The following KAT6A variants were observed in gnomAD, a reference collection of about 807,000 sequenced individuals.
KAT6A encodes histone acetyltransferase KAT6A.
A neutral mutation model predicts 198.4 loss-of-function variants in KAT6A; 9 were observed. The ratio of observed to expected loss-of-function variants is 0.05; its 90% CI spans 0.03 to 0.08. The LOEUF (loss-of-function observed/expected upper bound fraction) is 0.08. Among genes scored for constraint, KAT6A ranks in the 10% least tolerant of loss-of-function variants. The pLI, the probability that KAT6A is intolerant of heterozygous loss-of-function variation, is 1.00. For missense variants in KAT6A, 2,077 were observed against 2,509.9 expected, an observed-to-expected ratio of 0.83 and a Z score of 3.69; for synonymous variants, 890 against 883.0, an observed-to-expected ratio of 1.01 and a Z score of -0.14.
intron 2 of KAT6A, among the ~76,000 whole-genome samples, chr8:42,047,120 A>T (rs1228668423): frequency 1.3e-5 from 2 of 152,216 alleles, no homozygotes; most frequent in Non-Finnish European, 1.5e-5. Flanking sequence ...ATCCTCCATC[A>T]TCTTAAGCAA....
intron 8 of KAT6A, chr8:41,974,267 TG>T (rs1823941390): frequency 6.6e-6 from 1 of 152,210 alleles, no homozygotes; most frequent in Non-Finnish European, 1.5e-5. Flanking sequence ...TTTTTTGAGA[TG>T]GGGTTTTGCC....
intron 3 of KAT6A, among the ~76,000 whole-genome samples, chr8:41,985,319 C>T (rs1267570809): frequency 6.6e-6 from 1 of 152,154 alleles, no homozygotes; most frequent in Non-Finnish European, 1.5e-5. Flanking sequence ...ATATGACTAC[C>T]TAGCACTCAA....
At position 41,932,715 on chromosome 8, in the gene KAT6A, G is replaced by C; in HGVS notation, c.5505C>G (p.Thr1835=). Residue 1835 remains threonine (T), a synonymous_variant, in exon 17 of 17, where the codon ACC becomes ACG. Transcript: ENST00000265713. ...TCTGCGTGTGAGGAATGCCAATGTT[G>C]GTGGCAGACATGTTGCACTGAAGCA... The part of the protein sequence containing the change: ...SPLLQCNMSA[T]NIGIPHTQRL... 1 of 1,614,228 alleles carries C rather than the reference G, an allele frequency of 6.2e-7. No individual in the cohort carries two copies. The highest frequency in any genetic ancestry group is 8.5e-7 in the Non-Finnish European group (1 of 1,180,036).
chr8:41,989,528 A>AACGTG (rs59726289), intron 2 of KAT6A, among the ~76,000 whole-genome samples: 43,251 of 149,468 alleles, frequency 0.29, 6,370 homozygotes, highest in Middle Eastern at 0.44. Flanking sequence ...AACATAACGT[A>AACGTG]ACGTGACGTG....
intron 3 of KAT6A, among the ~76,000 whole-genome samples, chr8:41,983,960 C>T (rs1824482244): frequency 6.6e-6 from 1 of 152,222 alleles, no homozygotes; most frequent in Non-Finnish European, 1.5e-5. Context: ...GGACTTCATG[C>T]TTAGAAATGT....
In KAT6A at chr8:41,934,873, C is replaced by A. The variant is rs1408041688; in HGVS notation, c.3353-6G>T. On this transcript the variant is annotated splice_region_variant and splice_polypyrimidine_tract_variant and intron_variant, in intron 16 of 16. Transcript: ENST00000265713. ...TGGCTTTAAGATAGGAGTGTCTATA[C>A]AGGAAGGAAAAAAAACAAAGACAGG... 3.2e-6 allele frequency: 5 copies of A among 1,573,828 alleles called. No individual in the cohort carries two copies. The highest frequency in any genetic ancestry group is 4.0e-5 in the Admixed American group (2 of 50,558).
chr8:42,031,408 T>C (rs948452275), intron 2 of KAT6A, among the ~76,000 whole-genome samples: 3 of 152,114 alleles, frequency 2.0e-5, no homozygotes, highest in Admixed American at 1.3e-4. Context: ...AGGCTATAAA[T>C]TTTGAGAGGA....
At chr8:41,973,880 G>A (rs973847305) in intron 8 of KAT6A, among the ~76,000 whole-genome samples, 2 of 152,102 alleles carry the variant, frequency 1.3e-5, no homozygotes, top group South Asian at 2.1e-4. Context: ...TCCCCAGGCA[G>A]AAGTAGAAGC....
intron 8 of KAT6A, among the ~76,000 whole-genome samples, chr8:41,967,873 A>G (rs1035004090): frequency 6.6e-6 from 1 of 152,122 alleles, no homozygotes; most frequent in Non-Finnish European, 1.5e-5. Context: ...AGCAATGGGG[A>G]AAGGATTCCC....
chr8:41,968,466 C>A (rs1823619719), intron 8 of KAT6A, among the ~76,000 whole-genome samples: 1 of 152,086 alleles, frequency 6.6e-6, no homozygotes, highest in African/African-American at 2.4e-5. Context: ...ATTAAAAAGT[C>A]AGGAAACAAC....
intron 6 of KAT6A, among the ~76,000 whole-genome samples, 161 bp downstream of exon 6, chr8:41,978,481 T>A (rs565788447): frequency 1.3e-5 from 2 of 152,314 alleles, no homozygotes; most frequent in South Asian, 4.1e-4. Flanking sequence ...TAGAATAGTG[T>A]CTGGCACTTA....
Position 42,049,119 on chromosome 8 carries a change from C to T in KAT6A, c.-142G>A, listed in dbSNP as rs560815612. On this transcript the variant is annotated 5_prime_UTR_variant, in exon 2 of 17. Transcript: ENST00000265713. ...AGTTTTCTGGCCTAAGTCCTTCCTC[C>T]TTTCACAAAACAGAATGCCACCCCA... is the stretch of plus-strand genomic sequence containing the variant. The T allele has an allele frequency of 1.1e-5, 9 of 837,226 alleles. No individual in the cohort carries two copies. The highest frequency in any genetic ancestry group is 2.4e-5 in the Admixed American group (1 of 41,646). 51.9% of individuals were successfully genotyped at this position (837,226 alleles called of 1,614,324 possible).
intron 8 of KAT6A, among the ~76,000 whole-genome samples, chr8:41,965,305 CTTTT>C: frequency 6.6e-6 from 1 of 152,266 alleles, no homozygotes; most frequent in Non-Finnish European, 1.5e-5. Context: ...AAATATTATT[CTTTT>C]TATTTTTGTC....
chr8:41,972,926 T>C (rs540597326), intron 8 of KAT6A, among the ~76,000 whole-genome samples: 2 of 152,356 alleles, frequency 1.3e-5, no homozygotes, highest in South Asian at 4.1e-4. Context: ...TGTAGATTTC[T>C]ACTAGAGTAC....
intron 2 of KAT6A, among the ~76,000 whole-genome samples, chr8:42,037,651 A>G (rs1485364904): frequency 6.6e-6 from 1 of 151,588 alleles, no homozygotes; most frequent in African/African-American, 2.4e-5. Flanking sequence ...TAAAAGGTAA[A>G]CGGCAAAAGA....
At chr8:41,989,668 C>T (rs1045977392) in intron 2 of KAT6A, among the ~76,000 whole-genome samples, 3 of 152,112 alleles carry the variant, frequency 2.0e-5, no homozygotes, top group African/African-American at 7.2e-5. Flanking sequence ...AAGACAGAGA[C>T]TGGTCTGGAT....
chr8:41,980,289 A>C (rs28396176), intron 5 of KAT6A, among the ~76,000 whole-genome samples: 5,503 of 152,240 alleles, frequency 0.036, 185 homozygotes, highest in African/African-American at 0.092. Flanking sequence ...GAATCAAAAG[A>C]AAAGAGTAAC....
chr8:42,047,323 G>A (rs1380523222), intron 2 of KAT6A, among the ~76,000 whole-genome samples: 1 of 152,174 alleles, frequency 6.6e-6, no homozygotes, highest in Admixed American at 6.5e-5. Context: ...TACTGTTTAA[G>A]AAGTCATAAT....
chr8:41,959,674 A>G (rs188902251), intron 8 of KAT6A, among the ~76,000 whole-genome samples: 247 of 152,320 alleles, frequency 1.6e-3, no homozygotes, highest in African/African-American at 5.5e-3. Flanking sequence ...AAGGAAGGCA[A>G]TGGTTGGGCG....
Sources: allele counts gnomAD v4.1 joint callset (sites outside exome capture counted in the v4.1 genomes callset), GRCh38; gene constraint gnomAD v4.1.1; transcripts MANE v1.5; gene names NCBI Gene and HGNC (gene_info 2026-07-23, HGNC 2026-07-21).